Variants in CRYGC observed in about 807,000 individuals in gnomAD.
CRYGC encodes the protein gamma-crystallin C.
A neutral mutation model predicts 21.9 loss-of-function variants in CRYGC; 14 were observed. That is an observed-to-expected ratio of 0.64 (90% CI 0.42 to 1.00). CRYGC has a LOEUF of 1.00. CRYGC is among the 50% of genes least tolerant of loss of function. The probability of loss-of-function intolerance (pLI) is 0.00; values close to 1 mark genes in which losing one functional copy is unlikely to be tolerated. For synonymous variants in CRYGC, 96 were observed against 89.8 expected, an observed-to-expected ratio of 1.07 and a Z score of -0.39; for missense variants, 235 against 234.2, an observed-to-expected ratio of 1.00 and a Z score of -0.02.
rs762859471 is a variant in CRYGC at position 208,129,703 on chromosome 2, C to A, written c.10-20G>T. The A allele has an allele frequency of 1.2e-5, 19 of 1,614,066 alleles. 1 individual carries two copies. Among genetic ancestry groups the A allele is most frequent in the Non-Finnish European group, 1.6e-5 (19 of 1,180,044 alleles). The stretch of plus-strand genomic sequence containing the variant: ...GGTGATCTGCAAAGGAAGAATCGTT[C>A]CGAATTACATTATTTGCTCCTAACA... On this transcript the variant is annotated intron_variant, in intron 1 of 2. Transcript: ENST00000282141.
Position 208,129,784 on chromosome 2 carries a change from C to T in CRYGC, c.9G>A (p.Lys3=). The change falls in exon 1 of 3, where the codon AAG becomes AAA. Residue 3 remains lysine, a splice_region_variant and synonymous_variant. Transcript: ENST00000282141. MG[K]ITFYEDRAFQ... ...TTTATTTAATTTGTGTTCTGCTCAC[C>T]TTCCCCATGGCTGGTTGACACGGAT... The T allele has an allele frequency of 6.2e-7, 1 of 1,614,168 alleles. No homozygotes were observed. Among genetic ancestry groups the T allele is most frequent in the Non-Finnish European group, 8.5e-7 (1 of 1,180,030 alleles).
rs1299475960 is a variant in CRYGC at position 208,129,684 on chromosome 2, C to T, written c.10-1G>A. On this transcript the variant is annotated splice_acceptor_variant, in intron 1 of 2. Transcript: ENST00000282141. LOFTEE classifies it high-confidence loss of function. The stretch of plus-strand genomic sequence containing the variant: ...AGGCCCTGTCCTCATAGAAGGTGAT[C>T]TGCAAAGGAAGAATCGTTCCGAATT... 3.1e-6 allele frequency: 5 copies of T among 1,614,220 alleles called. No individual in the cohort carries two copies. The highest frequency in any genetic ancestry group is 3.4e-6 in the Non-Finnish European group (4 of 1,180,036).
Position 208,129,703 on chromosome 2 carries a change from C to CCGAATTACATTATT in CRYGC, c.10-34_10-21dup, listed in dbSNP as rs1559321493. Reference sequence around the variant, plus strand: ...GGTGATCTGCAAAGGAAGAATCGTTCCGAATTACATTATTTGCTCCTAACA... The same window carrying CCGAATTACATTATT: ...GGTGATCTGCAAAGGAAGAATCGTTCCGAATTACATTATTCGAATTACATTATTTGCTCCTAACA... On this transcript the variant is annotated intron_variant, in intron 1 of 2. Coordinates refer to ENST00000282141, the MANE Select transcript of CRYGC (RefSeq NM_020989.4). 6.2e-7 allele frequency: 1 copy of CCGAATTACATTATT among 1,614,184 alleles called. No individual in the cohort carries two copies. The highest frequency in any genetic ancestry group is 1.3e-5 in the African/African-American group (1 of 75,038).
intron 2 of CRYGC, 137 bp downstream of exon 2, chr2:208,129,304 T>TTATC: frequency 8.0e-7 from 1 of 1,257,702 alleles, no homozygotes; most frequent in Non-Finnish European, 1.1e-6. Flanking sequence ...TTTGTGCATG[T>TTATC]TATCTATCTG....
At chr2:208,128,685 C>G (rs962429982) in intron 2 of CRYGC, among the ~76,000 whole-genome samples, 1 of 152,118 alleles carries the variant, frequency 6.6e-6, no homozygotes, top group Non-Finnish European at 1.5e-5. Flanking sequence ...TTCTATTTGA[C>G]CTGAAATTCA....
At chr2:208,129,330 T>C in intron 2 of CRYGC, 111 bp downstream of exon 2, 1 of 1,465,870 alleles carries the variant, frequency 6.8e-7, no homozygotes, top group Non-Finnish European at 9.3e-7. Context: ...TTCAGGTCTC[T>C]GATGTCCATC....
chr2:208,129,275 C>T (rs1695052435), intron 2 of CRYGC, among the ~76,000 whole-genome samples, 166 bp downstream of exon 2: 1 of 152,200 alleles, frequency 6.6e-6, no homozygotes, highest in Non-Finnish European at 1.5e-5. Context: ...GTGGGTTCTT[C>T]CTTACATTCT....
intron 2 of CRYGC, among the ~76,000 whole-genome samples, chr2:208,128,774 C>T (rs1695041515): frequency 6.6e-6 from 1 of 152,126 alleles, no homozygotes; most frequent in Non-Finnish European, 1.5e-5. Context: ...ATCTTGATTC[C>T]TAATTACCTG....
At position 208,129,665 on chromosome 2, in the gene CRYGC, T is replaced by C. The variant is rs1162378427; in HGVS notation, c.28A>G (p.Arg10Gly). 1 of 1,614,140 alleles carries C rather than the reference T, an allele frequency of 6.2e-7. No individual in the cohort carries two copies. Among genetic ancestry groups the C allele is most frequent in the African/African-American group, 1.3e-5 (1 of 74,950 alleles). ...TCGTAGCTGCGGCCCTGGAAGGCCC[T>C]GTCCTCATAGAAGGTGATCTGCAAA... MGKITFYED[R>G]AFQGRSYETT... is the part of the protein sequence containing the mutation. The change falls in exon 2 of 3, where the codon AGG becomes GGG. Residue 10 changes from arginine to glycine, a missense_variant. Arg to Gly is a moderately radical substitution (Grantham distance 125). Coordinates refer to ENST00000282141, the MANE Select transcript of CRYGC (RefSeq NM_020989.4).
rs1695035817 is a variant in CRYGC, at chr2:208,128,544, G to T, written c.253-69C>A. The T allele has an allele frequency of 2.6e-6, 4 of 1,560,820 alleles. No homozygotes were observed. The South Asian group carries it at 3.4e-5, about 13-fold the overall frequency. Reference sequence around the variant, plus strand: ...CTCTTCCAGAATTTGTCCAACCAAAGAACAGATGAACTTGGTAGGTTGTGG... The same window carrying T: ...CTCTTCCAGAATTTGTCCAACCAAATAACAGATGAACTTGGTAGGTTGTGG... On this transcript the variant is annotated intron_variant, in intron 2 of 2. Transcript: ENST00000282141.
intron 1 of CRYGC, 39 bp downstream of exon 1, chr2:208,129,745 A>T: frequency 6.2e-7 from 1 of 1,614,210 alleles, no homozygotes; most frequent in Non-Finnish European, 8.5e-7. Context: ...ATATAAAGGC[A>T]ACTTTTTTTT....
In CRYGC at chr2:208,129,619, T is replaced by C. The variant is rs536312493; in HGVS notation, c.74A>G (p.Asn25Ser). The change falls in exon 2 of 3, where the codon AAC becomes AGC. Residue 25 changes from asparagine (N) to serine (S), a missense_variant. Physicochemically the swap from Asn to Ser is conservative, Grantham distance 46. Coordinates refer to ENST00000282141, the MANE Select transcript of CRYGC (RefSeq NM_020989.4). ...GCAGCGGCTGAAATACGGCTGCAGG[T>C]TGGGGCAGTCAGTGGTGGTTTCGTA... ...RSYETTTDCP[N>S]LQPYFSRCNS... The C allele has an allele frequency of 6.2e-7, 1 of 1,614,212 alleles. No homozygotes were observed. Among genetic ancestry groups the C allele is most frequent in the South Asian group, 1.1e-5 (1 of 91,080 alleles).
chr2:208,128,468 G>A lies in CRYGC; in HGVS notation c.260C>T (p.Ser87Phe). Residue 87 changes from serine (S) to phenylalanine (F), a missense_variant, in exon 3 of 3, where the codon TCC becomes TTC. Coordinates refer to ENST00000282141, the MANE Select transcript of CRYGC (RefSeq NM_020989.4). ...CCTCTCGTACAGCCGCAGCCTGTGG[G>A]AGACTGTCTACTCGGTCCACAGAAA... ...RSCCLIPQTV[S>F]HRLRLYERED... 4 of 1,614,192 alleles carry A rather than the reference G, an allele frequency of 2.5e-6. No homozygotes were observed. Among genetic ancestry groups the A allele is most frequent in the Non-Finnish European group, 3.4e-6 (4 of 1,180,042 alleles).
chr2:208,129,261 C>T (rs571221409), intron 2 of CRYGC, among the ~76,000 whole-genome samples, 180 bp downstream of exon 2: 18 of 152,322 alleles, frequency 1.2e-4, no homozygotes, highest in Admixed American at 9.2e-4. Context: ...GATTCTTCCT[C>T]TAAGTGGGTT....
intron 2 of CRYGC, among the ~76,000 whole-genome samples, chr2:208,129,059 A>T (rs899521513): frequency 1.3e-5 from 2 of 152,234 alleles, no homozygotes; most frequent in Non-Finnish European, 2.9e-5. Context: ...TTACTAGTCC[A>T]TGGTGGAATC....
chr2:208,128,395 G>A lies in CRYGC; in HGVS notation c.333C>T (p.Ser111=). The A allele has an allele frequency of 6.2e-7, 1 of 1,614,198 alleles. No individual in the cohort carries two copies. Among genetic ancestry groups the A allele is most frequent in the Non-Finnish European group, 8.5e-7 (1 of 1,180,030 alleles). ...CGCTGAGGTGGAAGCGGTCCTGGATGCTGGGGCAGTCTTCACTCAGCTCCA... is the reference window on the plus strand; with the variant it reads ...CGCTGAGGTGGAAGCGGTCCTGGATACTGGGGCAGTCTTCACTCAGCTCCA... ...LMMELSEDCP[S]IQDRFHLSEI... Residue 111 remains serine (S), a synonymous_variant, in exon 3 of 3, where the codon AGC becomes AGT. Coordinates refer to ENST00000282141, the MANE Select transcript of CRYGC (RefSeq NM_020989.4).
Position 208,128,631 on chromosome 2 carries a change from A to G in CRYGC, c.253-156T>C, listed in dbSNP as rs1381958155. 2.0e-5 allele frequency among the ~76,000 whole-genome samples: 3 copies of G among 152,328 alleles called. No homozygotes were observed. In the East Asian group the frequency reaches 5.8e-4, roughly 29 times the overall value. ...ATGTAGATTACTGTGGTTGCTGCGC[A>G]TGGATCTGTCTTCCACTAGCACCTA... On this transcript the variant is annotated intron_variant, in intron 2 of 2. Coordinates refer to ENST00000282141, the MANE Select transcript of CRYGC (RefSeq NM_020989.4).
intron 2 of CRYGC, 66 bp downstream of exon 2, chr2:208,129,375 C>A: frequency 6.3e-7 from 1 of 1,595,502 alleles, no homozygotes; most frequent in Non-Finnish European, 8.5e-7. Flanking sequence ...AAACCTCCCT[C>A]CCTGTAACCC....
intron 2 of CRYGC, 140 bp from the exon 3 acceptor site, chr2:208,128,615 A>G (rs534305363): frequency 1.0e-6 from 1 of 1,002,468 alleles, no homozygotes; most frequent in South Asian, 1.4e-5. Flanking sequence ...AATGTAGATT[A>G]CTGTGGTTGC....
Sources: allele counts gnomAD v4.1 joint callset (sites outside exome capture counted in the v4.1 genomes callset), GRCh38; gene constraint gnomAD v4.1.1; transcripts MANE v1.5; gene names NCBI Gene and HGNC (gene_info 2026-07-23, HGNC 2026-07-21).